AGAP1: variants seen among roughly 807,000 people sequenced by gnomAD.
The protein encoded by AGAP1 is ArfGAP with GTPase domain, ankyrin repeat and PH domain 1.
In AGAP1, 29 loss-of-function variants were observed where a neutral mutation model predicts 105.3. That is an observed-to-expected ratio of 0.28 (90% CI 0.21 to 0.38). The LOEUF is 0.38. Among genes scored for constraint, AGAP1 ranks in the 10% least tolerant of loss-of-function variants. AGAP1 has a pLI of 1.00. For synonymous variants in AGAP1, 509 were observed against 485.9 expected (o/e 1.05, Z -0.63); for missense variants, 998 against 1,165.1 (o/e 0.86, Z 2.09).
intron 16 of AGAP1, among the ~76,000 whole-genome samples, chr2:236,099,288 T>TA (rs1170830359): frequency 2.6e-5 from 4 of 151,664 alleles, no homozygotes; most frequent in South Asian, 2.1e-4. Context: ...CCATCTCTAC[T>TA]AAAAAAATAC....
At chr2:235,694,577 G>A (rs1330065604) in intron 1 of AGAP1, among the ~76,000 whole-genome samples, 1 of 152,010 alleles carries the variant, frequency 6.6e-6, no homozygotes, top group African/African-American at 2.4e-5. Flanking sequence ...TAACCTGGGA[G>A]GTGGAGGTTG....
In AGAP1 at chr2:235,788,883, G is replaced by A. The variant is rs1311734822; in HGVS notation, c.674-8876G>A. On this transcript the variant is annotated intron_variant, in intron 6 of 17. Transcript: ENST00000304032. The surrounding 1 kb of genome is among the most constrained non-coding windows in gnomAD (Gnocchi z 6.0). The stretch of plus-strand genomic sequence containing the variant: ...CAGTGGGGTGAACGTTTGCATGTTG[G>A]TGCTTCTGAACACAGGATCCCTGGT... 6.6e-6 allele frequency among the ~76,000 whole-genome samples: 1 copy of A among 152,186 alleles called. No homozygotes were observed. Among genetic ancestry groups the A allele is most frequent in the African/African-American group, 2.4e-5 (1 of 41,454 alleles).
chr2:236,108,403 A>G (rs996086979), intron 16 of AGAP1, among the ~76,000 whole-genome samples: 2 of 152,000 alleles, frequency 1.3e-5, no homozygotes, highest in Non-Finnish European at 1.5e-5. Flanking sequence ...GTCAGTTTCA[A>G]CACCAGGCGG....
At position 235,494,335 on chromosome 2, in the gene AGAP1, C is replaced by G. The variant is rs1941210010; in HGVS notation, c.-352C>G. ...TAATGGCTGCTCCGCGGAGCAGCGC[C>G]TAGGGCTGGAAGGCGGCTGCGGCTC... On this transcript the variant is annotated 5_prime_UTR_variant, in exon 1 of 18. Transcript: ENST00000304032. The G allele has an allele frequency of 6.9e-6, 1 of 144,170 alleles. No individual in the cohort carries two copies. Among genetic ancestry groups the G allele is most frequent in the South Asian group, 2.1e-4 (1 of 4,724 alleles). The allele number at this position is 144,170 out of a possible 1,614,324, so 8.9% of individuals were successfully genotyped here.
chr2:235,558,062 C>T (rs1457879881), intron 1 of AGAP1, among the ~76,000 whole-genome samples: 5 of 152,128 alleles, frequency 3.3e-5, no homozygotes, highest in Admixed American at 1.3e-4. Flanking sequence ...GTACCAGGCA[C>T]GGGCTGTGGA....
intron 6 of AGAP1, among the ~76,000 whole-genome samples, chr2:235,770,656 T>C (rs748426143): frequency 1.2e-4 from 18 of 152,174 alleles, no homozygotes; most frequent in Non-Finnish European, 2.4e-4. Context: ...CTTAGAACAC[T>C]CAGAATCATT....
At chr2:235,898,019 C>T (rs1275531724) in intron 10 of AGAP1, among the ~76,000 whole-genome samples, 1 of 152,140 alleles carries the variant, frequency 6.6e-6, no homozygotes, top group African/African-American at 2.4e-5. Context: ...TAGCTGCAGC[C>T]CCCTCGATGG....
At chr2:236,019,133 G>C (rs1234918542) in intron 13 of AGAP1, among the ~76,000 whole-genome samples, 1 of 152,186 alleles carries the variant, frequency 6.6e-6, no homozygotes, top group East Asian at 1.9e-4. Context: ...CTCATTCACA[G>C]TTAAACAAAT....
At chr2:235,980,092 A>G (rs1488497971) in intron 13 of AGAP1, among the ~76,000 whole-genome samples, 1 of 152,208 alleles carries the variant, frequency 6.6e-6, no homozygotes, top group East Asian at 1.9e-4. Flanking sequence ...GACCTTGAAG[A>G]GATTTCATGA....
In AGAP1 at chr2:235,642,477, G is replaced by A. The variant is rs75705561; in HGVS notation, c.164-66702G>A. Among the ~76,000 whole-genome samples the A allele has an allele frequency of 0.041, 5,854 of 143,504 alleles. 155 individuals are homozygous for A. Among genetic ancestry groups the A allele is most frequent in the South Asian group, 0.089 (415 of 4,680 alleles). 94.1% of individuals were successfully genotyped at this position (143,504 alleles called of 152,430 possible). A position where few individuals can be genotyped will look rare whatever the true frequency, so the allele number is the denominator to read the frequency against. On this transcript the variant is annotated intron_variant, in intron 1 of 17. Transcript: ENST00000304032. The surrounding 1 kb of genome is among the most constrained non-coding windows in gnomAD (Gnocchi z 4.1). The stretch of plus-strand genomic sequence containing the variant: ...GCAGCAGCCCTCTGGATGGGGATTT[G>A]GGTCTTGGTTTTGCCAGCACTCCCA...
intron 1 of AGAP1, among the ~76,000 whole-genome samples, chr2:235,543,364 C>T (rs1943516635): frequency 6.6e-6 from 1 of 152,194 alleles, no homozygotes; most frequent in Non-Finnish European, 1.5e-5. Context: ...ATTCGGTTTC[C>T]ACTCCAGGAG....
chr2:235,516,794 G>A (rs943550091), intron 1 of AGAP1, among the ~76,000 whole-genome samples: 5 of 152,210 alleles, frequency 3.3e-5, no homozygotes, highest in Non-Finnish European at 7.3e-5. Flanking sequence ...AAGTGGCGTC[G>A]CTGCCCAGTT....
rs1215546099 is a variant in AGAP1 at position 235,967,894 on chromosome 2, C to T, written c.1484-568C>T. Reference sequence around the variant, plus strand: ...ATTGGCAGGCCTACTATATCGACTTCCAAACACTGTCACTGGACATTGGTG... The same window carrying T: ...ATTGGCAGGCCTACTATATCGACTTTCAAACACTGTCACTGGACATTGGTG... On this transcript the variant is annotated intron_variant, in intron 12 of 17. Coordinates refer to ENST00000304032, the MANE Select transcript of AGAP1 (RefSeq NM_001037131.3). The surrounding 1 kb of genome is among the most constrained non-coding windows in gnomAD (Gnocchi z 4.7). 6.6e-6 allele frequency among the ~76,000 whole-genome samples: 1 copy of T among 152,106 alleles called. No homozygotes were observed. The highest frequency in any genetic ancestry group is 1.9e-4 in the East Asian group (1 of 5,190).
intron 1 of AGAP1, among the ~76,000 whole-genome samples, chr2:235,678,544 G>T (rs1162054558): frequency 6.6e-6 from 1 of 152,174 alleles, no homozygotes; most frequent in Admixed American, 6.5e-5. Context: ...TAGGACGGGG[G>T]CTGTGTGTGT....
chr2:235,944,733 GA>G (rs1233250732), intron 12 of AGAP1, among the ~76,000 whole-genome samples: 1 of 152,192 alleles, frequency 6.6e-6, no homozygotes, highest in Non-Finnish European at 1.5e-5. Flanking sequence ...AGGGGAACTG[GA>G]GTCTGGGGGC....
chr2:235,594,883 G>GTTTTTTTTTTTT (rs34386154), intron 1 of AGAP1, among the ~76,000 whole-genome samples: 2 of 109,912 alleles, frequency 1.8e-5, no homozygotes, highest in East Asian at 2.8e-4. Flanking sequence ...CCAGATTGCT[G>GTTTTTTTTTTTT]TTTTTTTTTT....
At chr2:235,653,321 T>A (rs10929143) in intron 1 of AGAP1, among the ~76,000 whole-genome samples, 2 of 151,762 alleles carry the variant, frequency 1.3e-5, no homozygotes, top group African/African-American at 2.4e-5. Context: ...AAAATTAGCC[T>A]GGTGTGGTGG....
intron 11 of AGAP1, among the ~76,000 whole-genome samples, chr2:235,925,240 A>G (rs1286287833): frequency 6.6e-6 from 1 of 152,226 alleles, no homozygotes; most frequent in Non-Finnish European, 1.5e-5. Flanking sequence ...GAAGGAGGGC[A>G]TTCTAATCTG....
chr2:235,802,914 ATGGTTG>A (rs1472174187), intron 8 of AGAP1, among the ~76,000 whole-genome samples: 94 of 109,292 alleles, frequency 8.6e-4, no homozygotes, highest in African/African-American at 3.0e-3. Context: ...TGATGGTGTG[ATGGTTG>A]TGGTTGTGGT....
Sources: allele counts gnomAD v4.1 joint callset (sites outside exome capture counted in the v4.1 genomes callset), GRCh38; gene constraint gnomAD v4.1.1; non-coding constraint Gnocchi (gnomAD v3.1); transcripts MANE v1.5; gene names NCBI Gene and HGNC (gene_info 2026-07-23, HGNC 2026-07-21).